The following CD163 variants were observed in gnomAD, a reference collection of about 807,000 sequenced individuals.
CD163 encodes CD163 molecule.
In CD163, 64 loss-of-function variants were observed where a neutral mutation model predicts 129.2. That is an observed-to-expected ratio of 0.50 (90% CI 0.41 to 0.61). The LOEUF is 0.61. CD163 is among the 20% of genes least tolerant of loss of function. CD163 has a pLI of 0.00. For missense variants in CD163, 1,061 were observed against 1,377.9 expected, an observed-to-expected ratio of 0.77 and a Z score of 3.64; for synonymous variants, 446 against 478.5, an observed-to-expected ratio of 0.93 and a Z score of 0.89.
chr12:7,493,480 C>T (rs374872667), intron 6 of CD163, among the ~76,000 whole-genome samples: 2 of 152,110 alleles, frequency 1.3e-5, no homozygotes, highest in Non-Finnish European at 2.9e-5. Flanking sequence ...ACCAAAACAG[C>T]CTTAAACTGC....
chr12:7,496,319 G>A lies in CD163; in HGVS notation c.1099+494C>T, dbSNP rs151014760. Among the ~76,000 whole-genome samples the A allele has an allele frequency of 4.9e-3, 748 of 151,732 alleles. 14 individuals carry two copies. The East Asian group carries it at 0.056, about 11-fold the overall frequency. On this transcript the variant is annotated intron_variant, in intron 5 of 16. Coordinates refer to ENST00000432237, the MANE Select transcript of CD163 (RefSeq NM_203416.4). This position sits in a 1 kb window ranked among gnomAD's most constrained non-coding sequence, Gnocchi z 4.8. The stretch of plus-strand genomic sequence containing the variant: ...AGGGAGGGGAACATCACACACTGGG[G>A]CCTGTCAATGGGTGGGGGGAAAGGG...
At chr12:7,482,518 G>C in intron 14 of CD163, 125 bp downstream of exon 14, 1 of 1,080,380 alleles carries the variant, frequency 9.3e-7, no homozygotes, top group East Asian at 2.4e-5. Context: ...CCTCTGTTTT[G>C]AGAAACTGCT....
chr12:7,494,170 A>G (rs59378013), intron 6 of CD163, among the ~76,000 whole-genome samples: 280 of 152,358 alleles, frequency 1.8e-3, no homozygotes, highest in African/African-American at 6.0e-3. Flanking sequence ...CTGTGAGGAA[A>G]AGAATTGGAT....
At chr12:7,489,084 G>A (rs762065832) in intron 6 of CD163, among the ~76,000 whole-genome samples, 39 of 152,136 alleles carry the variant, frequency 2.6e-4, no homozygotes, top group African/African-American at 9.2e-4. Context: ...GTGAGGTGTA[G>A]TAATTTGCTA....
In CD163 at chr12:7,485,128, C is replaced by T. The variant is rs1234312068; in HGVS notation, c.2747G>A (p.Ser916Asn). 1 of 1,611,724 alleles carries T rather than the reference C, an allele frequency of 6.2e-7. No homozygotes were observed. Among genetic ancestry groups the T allele is most frequent in the Non-Finnish European group, 8.5e-7 (1 of 1,178,436 alleles). Residue 916 changes from serine to asparagine, a missense_variant, in exon 11 of 17, where the codon AGC (serine) becomes AAC (asparagine). By Grantham distance (46) the Ser-to-Asn change is conservative. Transcript: ENST00000432237. The surrounding 1 kb of genome is among the most constrained non-coding windows in gnomAD (Gnocchi z 4.5). ...PSSPWEKRLA[S>N]PSEETWITCD... ...TGTGATCCAGGTCTCCTCCGAGGGG[C>T]TGGCCAGTCTCTTCTCCCATGGAGA...
chr12:7,500,536 T>C (rs1023050888), intron 3 of CD163, among the ~76,000 whole-genome samples: 4 of 151,422 alleles, frequency 2.6e-5, no homozygotes, highest in African/African-American at 9.7e-5. Context: ...GCCTGACACA[T>C]GACTTTCTCA....
rs1267347010 is a variant in CD163, at chr12:7,481,204, A to C, written c.3300T>G (p.Asn1100Lys). Residue 1100 changes from asparagine to lysine, a missense_variant, in exon 15 of 17, where the codon AAT (asparagine) becomes AAG (lysine). By Grantham distance (94) the Asn-to-Lys change is moderately conservative. Coordinates refer to ENST00000432237, the MANE Select transcript of CD163 (RefSeq NM_203416.4). ...CCAGATCATCTGCATTCAGGCAAGAATTCATCTCCCGGTATTGAATTTGGT... is the reference window on the plus strand; with the variant it reads ...CCAGATCATCTGCATTCAGGCAAGACTTCATCTCCCGGTATTGAATTTGGT... ...LVHQIQYREM[N>K]SCLNADDLDL... 4 of 1,613,822 alleles carry C rather than the reference A, an allele frequency of 2.5e-6. No individual in the cohort carries two copies. In the African/African-American group the frequency reaches 5.3e-5, roughly 22 times the overall value.
At chr12:7,493,428 G>A (rs1949352022) in intron 6 of CD163, among the ~76,000 whole-genome samples, 2 of 152,114 alleles carry the variant, frequency 1.3e-5, no homozygotes, top group Non-Finnish European at 2.9e-5. Context: ...GATACTTACT[G>A]CAGCAAATCT....
At chr12:7,499,252 A>T in intron 3 of CD163, 64 bp from the exon 4 acceptor site, 1 of 1,425,784 alleles carries the variant, frequency 7.0e-7, no homozygotes, top group Non-Finnish European at 9.5e-7. Context: ...TTAGAAAAGA[A>T]GTTTCCTCTG....
At chr12:7,483,260 A>ACCAGAT (rs894518163) in intron 12 of CD163, 107 bp downstream of exon 12, 1 of 1,045,944 alleles carries the variant, frequency 9.6e-7, no homozygotes, top group African/African-American at 1.6e-5. Context: ...GAGAATCCCC[A>ACCAGAT]CCAGATCCCT....
Position 7,487,108 on chromosome 12 carries a change from AC to A in CD163, c.2051-123del. On this transcript the variant is annotated intron_variant, in intron 8 of 16. Coordinates refer to ENST00000432237, the MANE Select transcript of CD163 (RefSeq NM_203416.4). This position sits in a 1 kb window ranked among gnomAD's most constrained non-coding sequence, Gnocchi z 5.1. ...AGAGAGAGGGGAAGGTGGATGGTCA[AC>A]AAGTTTGAAATAAATCAGGTGCTTT... 1 of 843,290 alleles carries A rather than the reference AC, an allele frequency of 1.2e-6. No individual in the cohort carries two copies. The highest frequency in any genetic ancestry group is 1.9e-6 in the Non-Finnish European group (1 of 538,298). The allele number at this position is 843,290 out of a possible 1,614,324, so 52.2% of individuals were successfully genotyped here.
At chr12:7,481,942 C>T (rs964429922) in intron 14 of CD163, among the ~76,000 whole-genome samples, 1 of 152,052 alleles carries the variant, frequency 6.6e-6, no homozygotes, top group Non-Finnish European at 1.5e-5. Context: ...CCTCTATGTT[C>T]GAAATTTGTC....
chr12:7,497,422 T>G (rs781399625), intron 4 of CD163, among the ~76,000 whole-genome samples: 1 of 151,976 alleles, frequency 6.6e-6, no homozygotes, highest in Non-Finnish European at 1.5e-5. Flanking sequence ...ACCACAGAGT[T>G]CTTGTTAGAA....
chr12:7,479,220 T>A (rs1949127960), intron 16 of CD163, among the ~76,000 whole-genome samples: 2 of 152,158 alleles, frequency 1.3e-5, no homozygotes, highest in South Asian at 4.1e-4. Context: ...TAGACTATGA[T>A]ATCTTTTATT....
Position 7,502,538 on chromosome 12 carries a change from TCA to T in CD163, c.71_72del (p.Leu24Ter). On this transcript the variant is annotated frameshift_variant, in exon 2 of 17. Transcript: ENST00000432237. LOFTEE classifies it high-confidence loss of function. ...AAGACCACAGTAATGGTGAAGGGACTCAAGTTGACAAAATGTCTTCTGAAGTC... is the reference window on the plus strand; with the variant it reads ...AAGACCACAGTAATGGTGAAGGGACTAGTTGACAAAATGTCTTCTGAAGTC... ...SADFRRHFVN[L>X]SPFTITVVLL... The T allele has an allele frequency of 6.3e-7, 1 of 1,595,000 alleles. No individual in the cohort carries two copies. The highest frequency in any genetic ancestry group is 8.6e-7 in the Non-Finnish European group (1 of 1,166,252).
rs1196699419 is a variant in CD163, at chr12:7,496,515, TA to T, written c.1099+297del. ...AAAAAATAAGTAAATTAAAAAAATTTAAAAACAGATTCCTAGGAAATTTTGT... is the reference window on the plus strand; with the variant it reads ...AAAAAATAAGTAAATTAAAAAAATTTAAAACAGATTCCTAGGAAATTTTGT... On this transcript the variant is annotated intron_variant, in intron 5 of 16. Coordinates refer to ENST00000432237, the MANE Select transcript of CD163 (RefSeq NM_203416.4). This position sits in a 1 kb window ranked among gnomAD's most constrained non-coding sequence, Gnocchi z 4.8. Among the ~76,000 whole-genome samples, 1 of 152,158 alleles carries T rather than the reference TA, an allele frequency of 6.6e-6. No homozygotes were observed. The highest frequency in any genetic ancestry group is 6.5e-5 in the Admixed American group (1 of 15,274).
chr12:7,497,079 CT>C lies in CD163; in HGVS notation c.832del (p.Arg278AspfsTer2), dbSNP rs778485036. On this transcript the variant is annotated frameshift_variant, in exon 5 of 17. Coordinates refer to ENST00000432237, the MANE Select transcript of CD163 (RefSeq NM_203416.4). LOFTEE classifies it high-confidence loss of function. ...TTCTCCTTGGAATCTCACTTCTAAT[CT>C]TCCTGAACATTCAGTGACTCCATCT... ...LVDGVTECSG[R>X]LEVRFQGEWG... 6.2e-7 allele frequency: 1 copy of C among 1,614,144 alleles called. No individual in the cohort carries two copies. The highest frequency in any genetic ancestry group is 8.5e-7 in the Non-Finnish European group (1 of 1,180,006).
chr12:7,490,844 T>A (rs942657050), intron 6 of CD163, among the ~76,000 whole-genome samples: 2 of 152,064 alleles, frequency 1.3e-5, no homozygotes, highest in African/African-American at 4.8e-5. Context: ...ACATGTTGCT[T>A]TCTAAACATA....
Position 7,495,113 on chromosome 12 carries a change from T to C in CD163, c.1388A>G (p.Asp463Gly). ...KNWQWGGLTC[D>G]HYEEAKITCS... is the part of the protein sequence containing the mutation. The stretch of plus-strand genomic sequence containing the variant: ...GGTAATTTTGGCTTCTTCATAGTGA[T>C]CACAGGTAAGTCCACCCCATTGCCA... Residue 463 changes from aspartate (D) to glycine (G), a missense_variant, in exon 6 of 17, where the codon GAT (aspartate) becomes GGT (glycine). Coordinates refer to ENST00000432237, the MANE Select transcript of CD163 (RefSeq NM_203416.4). 6.2e-7 allele frequency: 1 copy of C among 1,614,132 alleles called. No homozygotes were observed. Among genetic ancestry groups the C allele is most frequent in the Non-Finnish European group, 8.5e-7 (1 of 1,179,966 alleles).
Sources: gnomAD v4.1 joint callset for allele counts (sites outside exome capture counted in the v4.1 genomes callset) on GRCh38, gnomAD v4.1.1 for gene constraint, Gnocchi (gnomAD v3.1) non-coding constraint, MANE v1.5 for transcripts, NCBI Gene and HGNC (gene_info 2026-07-23, HGNC 2026-07-21) for gene names.